The following PCDH15 variants were observed in gnomAD, a reference collection of about 807,000 sequenced individuals.
PCDH15 encodes the protein protocadherin-15.
A neutral mutation model predicts 178.5 loss-of-function variants in PCDH15; 129 were observed. The observed-to-expected ratio is 0.72, with a 90% CI of 0.63 to 0.84. The LOEUF is 0.84. PCDH15 is among the 40% of genes least tolerant of loss of function. PCDH15 has a pLI of 0.00. For missense variants in PCDH15, 2,230 were observed against 2,099.9 expected, an observed-to-expected ratio of 1.06 and a Z score of -1.21; for synonymous variants, 800 against 732.0, an observed-to-expected ratio of 1.09 and a Z score of -1.50.
intron 23 of PCDH15, among the ~76,000 whole-genome samples, chr10:53,943,691 A>G (rs1900444): frequency 0.67 from 101,889 of 151,890 alleles, 34,680 homozygotes; most frequent in East Asian, 0.87. Context: ...TCTATTTGTT[A>G]GTAAATGTTT....
chr10:55,433,048 AAACAAAAC>A, intron 2 of PCDH15, among the ~76,000 whole-genome samples: 1 of 60,318 alleles, frequency 1.7e-5, no homozygotes, highest in African/African-American at 2.0e-4. Flanking sequence ...AAACAAAACA[AAACAAAAC>A]AAAAACAGAA....
At position 54,240,625 on chromosome 10, in the gene PCDH15, G is replaced by A. The variant is rs143623509; in HGVS notation, c.877-3694C>T. On this transcript the variant is annotated intron_variant, in intron 8 of 37. Transcript: ENST00000644397. ...TAAATTCTGTTATTTATTTTCTTTT[G>A]CTTTTTTTTTTTTTTTTTTTTTTTG... Among the ~76,000 whole-genome samples, 6 of 92,484 alleles carry A rather than the reference G, an allele frequency of 6.5e-5. No homozygotes were observed. In the South Asian group the frequency reaches 2.0e-3, roughly 31 times the overall value. 60.7% of individuals were successfully genotyped at this position (92,484 alleles called of 152,430 possible).
chr10:54,360,292 A>G (rs1014638093), intron 5 of PCDH15, among the ~76,000 whole-genome samples: 7 of 152,060 alleles, frequency 4.6e-5, no homozygotes, highest in African/African-American at 1.7e-4. Flanking sequence ...CCCACATATG[A>G]TTACTTTTCT....
chr10:54,005,199 T>C (rs2092341734), intron 20 of PCDH15, among the ~76,000 whole-genome samples: 1 of 152,050 alleles, frequency 6.6e-6, no homozygotes, highest in South Asian at 2.1e-4. Flanking sequence ...GACCTCAAAC[T>C]ATGAAATGAC....
At chr10:54,767,284 A>C (rs1365998976) in intron 1 of PCDH15, among the ~76,000 whole-genome samples, 1 of 152,306 alleles carries the variant, frequency 6.6e-6, no homozygotes, top group East Asian at 1.9e-4. Context: ...TGATGAAATT[A>C]AAACTGAACC....
chr10:55,262,047 AAAGG>A (rs1842157628), intron 1 of PCDH15, among the ~76,000 whole-genome samples: 1 of 150,250 alleles, frequency 6.7e-6, no homozygotes, highest in African/African-American at 2.5e-5. Flanking sequence ...AGGGAGGGAA[AAAGG>A]AAGGGAGGGA....
intron 8 of PCDH15, among the ~76,000 whole-genome samples, chr10:54,240,319 T>TGAAAAAG (rs2055109102): frequency 6.8e-6 from 1 of 147,000 alleles, no homozygotes; most frequent in Admixed American, 6.7e-5. Context: ...AAAAATAAAA[T>TGAAAAAG]GAAAAAGGAA....
intron 3 of PCDH15, among the ~76,000 whole-genome samples, chr10:54,438,748 T>A (rs2075604891): frequency 1.3e-5 from 2 of 152,064 alleles, no homozygotes; most frequent in Non-Finnish European, 2.9e-5. Flanking sequence ...GGGAGGAATA[T>A]CCCATTCTTT....
In PCDH15 at chr10:53,810,543, T is replaced by C; in HGVS notation, c.4671+13A>G. ...TGGAATATTATCTTACATAATAAAA[T>C]TACAGTAATTACCTCTTCCTCCTCA... On this transcript the variant is annotated intron_variant, in intron 37 of 37. Transcript: ENST00000644397. 6.2e-7 allele frequency: 1 copy of C among 1,602,730 alleles called. No individual in the cohort carries two copies. Among genetic ancestry groups the C allele is most frequent in the Non-Finnish European group, 8.5e-7 (1 of 1,170,364 alleles).
At chr10:54,994,715 C>T (rs868643055) in intron 2 of PCDH15, among the ~76,000 whole-genome samples, 4 of 151,848 alleles carry the variant, frequency 2.6e-5, no homozygotes, top group Admixed American at 6.6e-5. Flanking sequence ...GTATAAAATA[C>T]CTATAACTTC....
At chr10:54,499,244 A>T (rs1034981038) in intron 3 of PCDH15, among the ~76,000 whole-genome samples, 4 of 152,126 alleles carry the variant, frequency 2.6e-5, no homozygotes, top group African/African-American at 9.7e-5. Flanking sequence ...TACCCCAATG[A>T]CAGTATTAGA....
intron 10 of PCDH15, among the ~76,000 whole-genome samples, chr10:54,203,972 G>GA (rs1326612461): frequency 6.6e-6 from 1 of 152,148 alleles, no homozygotes; most frequent in Non-Finnish European, 1.5e-5. Context: ...TTTATGGATA[G>GA]AAATTGCATT....
intron 2 of PCDH15, among the ~76,000 whole-genome samples, chr10:55,344,583 A>G (rs1267484037): frequency 6.6e-6 from 1 of 152,084 alleles, no homozygotes; most frequent in Non-Finnish European, 1.5e-5. Flanking sequence ...TGGTCCACGC[A>G]ACTAGTAGGA....
At chr10:54,775,280 A>C (rs897080473) in intron 1 of PCDH15, among the ~76,000 whole-genome samples, 1 of 152,194 alleles carries the variant, frequency 6.6e-6, no homozygotes, top group Non-Finnish European at 1.5e-5. Context: ...TGATGTTTTC[A>C]CTGCAATTTC....
At chr10:55,057,099 T>G (rs1047048381) in intron 2 of PCDH15, among the ~76,000 whole-genome samples, 2 of 152,178 alleles carry the variant, frequency 1.3e-5, no homozygotes, top group Non-Finnish European at 2.9e-5. Flanking sequence ...GATAAATAGA[T>G]TTTATATTGT....
At chr10:54,564,123 GT>G (rs1313691071) in intron 2 of PCDH15, among the ~76,000 whole-genome samples, 4 of 148,878 alleles carry the variant, frequency 2.7e-5, no homozygotes, top group Non-Finnish European at 4.5e-5. Flanking sequence ...TAGATTCCTT[GT>G]TTTTCCCCCC....
chr10:54,526,882 C>T (rs984127236), intron 3 of PCDH15, among the ~76,000 whole-genome samples: 17 of 152,106 alleles, frequency 1.1e-4, no homozygotes, highest in Non-Finnish European at 2.4e-4. Flanking sequence ...ATTGCCTATA[C>T]AGGTTTCCAA....
At chr10:54,004,167 C>T (rs77835636) in intron 20 of PCDH15, among the ~76,000 whole-genome samples, 3,584 of 151,984 alleles carry the variant, frequency 0.024, 92 homozygotes, top group East Asian at 0.11. Flanking sequence ...ATGACAAACC[C>T]GTAGCTACTC....
intron 3 of PCDH15, among the ~76,000 whole-genome samples, chr10:54,514,183 A>G (rs994022218): frequency 1.3e-5 from 2 of 152,232 alleles, no homozygotes; most frequent in Non-Finnish European, 2.9e-5. Context: ...TATATCACAG[A>G]ATGAAGAAGG....
Sources: gnomAD v4.1 joint callset for allele counts (sites outside exome capture counted in the v4.1 genomes callset) on GRCh38, gnomAD v4.1.1 for gene constraint, MANE v1.5 for transcripts, NCBI Gene and HGNC (gene_info 2026-07-23, HGNC 2026-07-21) for gene names.